The following COL12A1 variants were observed in gnomAD, a reference collection of about 807,000 sequenced individuals.
COL12A1 encodes collagen type XII alpha 1 chain.
COL12A1 carries 114 observed loss-of-function variants against 349.7 expected under a neutral mutation model. The ratio of observed to expected loss-of-function variants is 0.33; its 90% CI spans 0.28 to 0.38. The LOEUF (loss-of-function observed/expected upper bound fraction) is 0.38, where lower values mean the gene tolerates loss of function less well. COL12A1 is among the 10% of genes least tolerant of loss of function. The pLI, the probability that COL12A1 is intolerant of heterozygous loss-of-function variation, is 1.00. For missense variants in COL12A1, 3,284 were observed against 3,756.9 expected, an observed-to-expected ratio of 0.87 and a Z score of 3.29; for synonymous variants, 1,369 against 1,329.0, an observed-to-expected ratio of 1.03 and a Z score of -0.66.
intron 43 of COL12A1, among the ~76,000 whole-genome samples, chr6:75,122,865 A>G (rs1233216041): frequency 6.6e-6 from 1 of 152,244 alleles, no homozygotes; most frequent in Non-Finnish European, 1.5e-5. Context: ...ACTGCAAGTT[A>G]CAATTATCTT....
At chr6:75,152,812 G>A (rs1767560827) in intron 17 of COL12A1, among the ~76,000 whole-genome samples, 1 of 151,952 alleles carries the variant, frequency 6.6e-6, no homozygotes, top group Non-Finnish European at 1.5e-5. Context: ...CAAATTCAAA[G>A]GCTGAAATAA....
At position 75,184,120 on chromosome 6, in the gene COL12A1, A is replaced by G. The variant is rs553656081; in HGVS notation, c.1022T>C (p.Ile341Thr). Residue 341 changes from isoleucine (I) to threonine (T), a missense_variant, in exon 9 of 66, where the codon ATT (isoleucine) becomes ACT (threonine). Physicochemically the swap from Ile to Thr is moderately conservative, Grantham distance 89 (BLOSUM62 -1). Transcript: ENST00000322507. ...ATATTTTGAAGAGACTTCCATGGCA[A>G]TCAAATTTGAAGGAGGCTCAACAAC... Reference protein sequence around the residue: ...EEVVEPPSNLIAMEVSSKYVK... With the variant: ...EEVVEPPSNLTAMEVSSKYVK... 4.3e-6 allele frequency: 7 copies of G among 1,613,862 alleles called. No homozygotes were observed. The East Asian group carries it at 1.6e-4, about 36-fold the overall frequency.
In COL12A1 at chr6:75,087,744, G is replaced by A. The variant is rs1767574773; in HGVS notation, c.9014C>T (p.Pro3005Leu). 6.2e-7 allele frequency: 1 copy of A among 1,604,742 alleles called. No homozygotes were observed. The highest frequency in any genetic ancestry group is 8.5e-7 in the Non-Finnish European group (1 of 1,177,122). ...GPRGLPGPPG[P>L]QGESRTGPPG... ...TGGACCTGTTCTGGATTCTCCTTGT[G>A]GACCTAGTGTGGAGTTAAAACAAAT... Residue 3005 changes from proline (P) to leucine (L), a missense_variant, in exon 65 of 66, where the codon CCA (proline) becomes CTA (leucine). Physicochemically the swap from Pro to Leu is moderately conservative, Grantham distance 98 (BLOSUM62 -3). Around this residue, in one of 2 missense-constraint regions of COL12A1, gnomAD observed 683 missense variants for 932.1 expected, o/e 0.73. Transcript: ENST00000322507.
At chr6:75,190,395 T>C (rs1427833773) in intron 5 of COL12A1, among the ~76,000 whole-genome samples, 1 of 151,994 alleles carries the variant, frequency 6.6e-6, no homozygotes. Context: ...GGGAGCCTGA[T>C]AGAAGTAAAA....
intron 52 of COL12A1, among the ~76,000 whole-genome samples, chr6:75,107,304 A>T (rs115457890): frequency 4.1e-5 from 6 of 147,154 alleles, no homozygotes; most frequent in Non-Finnish European, 6.1e-5. Context: ...ATGGAGTCTC[A>T]CTGTTGCCCA....
At chr6:75,125,029 G>A in intron 40 of COL12A1, 98 bp downstream of exon 40, 4 of 1,189,030 alleles carry the variant, frequency 3.4e-6, no homozygotes, top group Non-Finnish European at 4.5e-6. Flanking sequence ...TAATGCTGAG[G>A]AAACATGTAT....
chr6:75,139,898 A>G (rs1766808029), intron 27 of COL12A1, among the ~76,000 whole-genome samples: 1 of 152,016 alleles, frequency 6.6e-6, no homozygotes, highest in Non-Finnish European at 1.5e-5. Context: ...ATTGTCACTT[A>G]TTTCTCTATT....
intron 34 of COL12A1, among the ~76,000 whole-genome samples, chr6:75,132,483 T>C (rs911506572): frequency 2.6e-5 from 4 of 152,242 alleles, no homozygotes; most frequent in African/African-American, 7.2e-5. Flanking sequence ...TGAGCTCATC[T>C]GATTCAGTCA....
intron 27 of COL12A1, 136 bp downstream of exon 27, chr6:75,141,896 A>T: frequency 8.9e-7 from 1 of 1,119,318 alleles, no homozygotes; most frequent in Non-Finnish European, 1.3e-6. Context: ...AAATAAGTGA[A>T]AAACAATCTA....
At chr6:75,189,481 G>A in intron 6 of COL12A1, 71 bp downstream of exon 6, 1 of 1,576,016 alleles carries the variant, frequency 6.3e-7, no homozygotes, top group East Asian at 2.2e-5. Context: ...TATGTAATAG[G>A]CAATGCATCA....
At chr6:75,101,827 C>T (rs1290564037) in intron 57 of COL12A1, 172 bp downstream of exon 57, 1 of 960,574 alleles carries the variant, frequency 1.0e-6, no homozygotes, top group Non-Finnish European at 1.6e-6. Flanking sequence ...CAAGCAGATA[C>T]CTGAATTGAA....
chr6:75,140,255 T>C (rs1766825766), intron 27 of COL12A1, among the ~76,000 whole-genome samples: 1 of 152,174 alleles, frequency 6.6e-6, no homozygotes. Context: ...CCATGACCCT[T>C]ACAAGGTAAG....
At chr6:75,152,609 G>C in intron 17 of COL12A1, 127 bp from the exon 18 acceptor site, 5 of 1,002,636 alleles carry the variant, frequency 5.0e-6, no homozygotes, top group Non-Finnish European at 1.5e-6. Context: ...CTAGCTCAGT[G>C]ATGTGGAGTA....
At chr6:75,203,323 A>T (rs1168056544) in intron 1 of COL12A1, among the ~76,000 whole-genome samples, 1 of 152,202 alleles carries the variant, frequency 6.6e-6, no homozygotes, top group African/African-American at 2.4e-5. Flanking sequence ...TCTGCTTTCA[A>T]ATATGCAGCT....
intron 22 of COL12A1, among the ~76,000 whole-genome samples, chr6:75,148,110 G>GAA (rs57726755): frequency 1.3e-4 from 20 of 151,994 alleles, no homozygotes; most frequent in African/African-American, 4.8e-4. Flanking sequence ...AGATTTTAAT[G>GAA]AAAAAAACAT....
chr6:75,148,526 T>G (rs745442089), intron 21 of COL12A1, 29 bp from the exon 22 acceptor site: 32 of 1,589,090 alleles, frequency 2.0e-5, no homozygotes, highest in Non-Finnish European at 2.6e-5. Flanking sequence ...GGTATACACT[T>G]TTCTCATTAT....
intron 30 of COL12A1, 72 bp from the exon 31 acceptor site, chr6:75,137,651 C>A: frequency 6.7e-7 from 1 of 1,503,582 alleles, no homozygotes. Context: ...ATACAGCTCC[C>A]AAGGCAATCA....
intron 7 of COL12A1, among the ~76,000 whole-genome samples, chr6:75,188,831 T>C (rs1282138736): frequency 6.6e-6 from 1 of 152,176 alleles, no homozygotes; most frequent in African/African-American, 2.4e-5. Flanking sequence ...AAGATAATAC[T>C]TTTTTCTTCC....
Position 75,156,260 on chromosome 6 carries a change from T to G in COL12A1, c.3247A>C (p.Thr1083Pro). 1 of 1,613,746 alleles carries G rather than the reference T, an allele frequency of 6.2e-7. No homozygotes were observed. Among genetic ancestry groups the G allele is most frequent in the Non-Finnish European group, 8.5e-7 (1 of 1,179,744 alleles). ...AAATATAATTATTATTTCATACCTG[T>G]TGTTCCTGATCCTTGCCTAAGCTTT... ...EGKLRQGSGT[T>P]ASRFKSPRNL... Residue 1083 changes from threonine to proline, a missense_variant, in exon 15 of 66, where the codon ACA becomes CCA. This residue lies in a region of COL12A1 where 2,601 missense variants were observed against 2,824.8 expected (regional missense o/e 0.92). Coordinates refer to ENST00000322507, the MANE Select transcript of COL12A1 (RefSeq NM_004370.6).
Sources: allele counts gnomAD v4.1 joint callset (sites outside exome capture counted in the v4.1 genomes callset), GRCh38; gene constraint gnomAD v4.1.1; regional missense constraint gnomAD v4.1.1; transcripts MANE v1.5; gene names NCBI Gene and HGNC (gene_info 2026-07-23, HGNC 2026-07-21).